The following PTPRG variants were observed in gnomAD, a reference collection of about 807,000 sequenced individuals.
PTPRG encodes the protein receptor-type tyrosine-protein phosphatase gamma.
In PTPRG, 102 loss-of-function variants were observed where a neutral mutation model predicts 165.3. The observed-to-expected ratio is 0.62, with a 90% CI of 0.53 to 0.73. The LOEUF (loss-of-function observed/expected upper bound fraction) is 0.73. PTPRG is among the 30% of genes least tolerant of loss of function. The pLI is 0.00. For missense variants in PTPRG, 1,866 were observed against 1,861.4 expected (o/e 1.00, Z -0.05); for synonymous variants, 675 against 669.5 (o/e 1.01, Z -0.13).
intron 7 of PTPRG, among the ~76,000 whole-genome samples, chr3:62,165,308 G>C (rs959034478): frequency 6.6e-6 from 1 of 152,160 alleles, no homozygotes; most frequent in African/African-American, 2.4e-5. Context: ...ATGATTTTAA[G>C]AAGTTATTTT....
At chr3:61,951,016 C>T (rs79489432) in intron 2 of PTPRG, among the ~76,000 whole-genome samples, 110 of 152,322 alleles carry the variant, frequency 7.2e-4, no homozygotes, top group African/African-American at 2.6e-3. Context: ...ATTTTCATTG[C>T]AGGAACATGG....
At chr3:62,017,329 C>G (rs1048223190) in intron 4 of PTPRG, among the ~76,000 whole-genome samples, 1 of 152,168 alleles carries the variant, frequency 6.6e-6, no homozygotes, top group Non-Finnish European at 1.5e-5. Context: ...TGTGAAAGAG[C>G]CCAGTAAATT....
intron 5 of PTPRG, among the ~76,000 whole-genome samples, chr3:62,081,262 AAACAAACAAAC>A (rs1559785977): frequency 6.3e-5 from 2 of 31,728 alleles, no homozygotes; most frequent in East Asian, 6.7e-4. Flanking sequence ...GTCTCAAAAC[AAACAAACAAAC>A]AAACAAACAA....
chr3:62,048,500 A>G (rs955057744), intron 4 of PTPRG, among the ~76,000 whole-genome samples: 6 of 152,228 alleles, frequency 3.9e-5, no homozygotes, highest in African/African-American at 1.4e-4. Context: ...TGCAATCGCT[A>G]TGTGTACCTT....
chr3:62,262,741 A>G (rs1451150903), intron 16 of PTPRG, 57 bp from the exon 17 acceptor site: 2 of 1,344,050 alleles, frequency 1.5e-6, no homozygotes, highest in Non-Finnish European at 2.1e-6. Flanking sequence ...CTTTAAATGT[A>G]TATGGTGTTC....
chr3:61,742,568 A>G, intron 1 of PTPRG: 1 of 1,592,878 alleles, frequency 6.3e-7, no homozygotes, highest in South Asian at 1.1e-5. Flanking sequence ...TGAATGTTAT[A>G]CACAAGCTCA....
At chr3:62,071,764 TTTCC>T (rs1239631628) in intron 4 of PTPRG, among the ~76,000 whole-genome samples, 1 of 152,188 alleles carries the variant, frequency 6.6e-6, no homozygotes, top group Non-Finnish European at 1.5e-5. Flanking sequence ...CCAACCCCAC[TTTCC>T]TTCCTTAGGA....
intron 13 of PTPRG, among the ~76,000 whole-genome samples, chr3:62,225,333 T>G (rs1700737715): frequency 2.0e-5 from 3 of 152,154 alleles, no homozygotes; most frequent in Admixed American, 2.0e-4. Context: ...GGAAGGTTTC[T>G]TTTTGATTTA....
chr3:61,927,958 C>T (rs1249335245), intron 2 of PTPRG, among the ~76,000 whole-genome samples: 3 of 151,928 alleles, frequency 2.0e-5, no homozygotes, highest in South Asian at 4.2e-4. Context: ...AGGTGGTTGG[C>T]GGTGGTCAGA....
intron 2 of PTPRG, among the ~76,000 whole-genome samples, chr3:61,976,805 A>T (rs184904810): frequency 6.6e-6 from 1 of 151,918 alleles, no homozygotes; most frequent in African/African-American, 2.4e-5. Flanking sequence ...CCTCCCGAGT[A>T]GCTGGGATTA....
chr3:61,863,853 C>G (rs1032880075), intron 2 of PTPRG, among the ~76,000 whole-genome samples: 1 of 152,170 alleles, frequency 6.6e-6, no homozygotes, highest in Non-Finnish European at 1.5e-5. Flanking sequence ...AGAGACAGTT[C>G]AGCAGGTTGA....
chr3:61,807,054 G>T (rs1389694015), intron 2 of PTPRG, among the ~76,000 whole-genome samples: 1 of 152,166 alleles, frequency 6.6e-6, no homozygotes, highest in African/African-American at 2.4e-5. Flanking sequence ...TCACATGGAC[G>T]GAGAGGACAA....
chr3:61,965,292 C>T (rs1055243369), intron 2 of PTPRG, among the ~76,000 whole-genome samples: 2 of 149,878 alleles, frequency 1.3e-5, no homozygotes, highest in Non-Finnish European at 3.0e-5. Context: ...GCTACGGTGG[C>T]TCACACCCAA....
At chr3:61,820,317 G>T (rs1306725995) in intron 2 of PTPRG, among the ~76,000 whole-genome samples, 3 of 152,112 alleles carry the variant, frequency 2.0e-5, no homozygotes, top group Non-Finnish European at 4.4e-5. Context: ...GCAGAGAGAA[G>T]ATGTTTTCCC....
At position 61,781,315 on chromosome 3, in the gene PTPRG, G is replaced by A. The variant is rs76601064; in HGVS notation, c.190+32333G>A. On this transcript the variant is annotated intron_variant, in intron 2 of 29. Transcript: ENST00000474889. ...GTTGTGTGTGCTTTTCAGATAAAAC[G>A]TTGAGGGATGACTAGGTATATGAGC... Among the ~76,000 whole-genome samples, 14 of 152,260 alleles carry A rather than the reference G, an allele frequency of 9.2e-5. No individual in the cohort carries two copies. In the East Asian group the frequency reaches 2.7e-3, roughly 29 times the overall value.
chr3:61,687,462 C>T (rs2107139329), intron 1 of PTPRG, among the ~76,000 whole-genome samples: 1 of 152,352 alleles, frequency 6.6e-6, no homozygotes, highest in Non-Finnish European at 1.5e-5. Context: ...GACTTTGGGG[C>T]TGTACATTAA....
intron 1 of PTPRG, among the ~76,000 whole-genome samples, chr3:61,598,270 G>C (rs1347375775): frequency 6.6e-6 from 1 of 152,166 alleles, no homozygotes; most frequent in Admixed American, 6.5e-5. Flanking sequence ...GAATGGGTCC[G>C]CATTTCCCCT....
intron 6 of PTPRG, among the ~76,000 whole-genome samples, chr3:62,150,039 C>G (rs550862482): frequency 2.1e-4 from 32 of 152,204 alleles, no homozygotes; most frequent in Non-Finnish European, 3.8e-4. Context: ...TCCTCACTGC[C>G]TTCAGGCTTT....
intron 2 of PTPRG, among the ~76,000 whole-genome samples, chr3:61,880,115 AT>A (rs924530174): frequency 6.6e-6 from 1 of 152,176 alleles, no homozygotes; most frequent in Non-Finnish European, 1.5e-5. Flanking sequence ...TCTGGCAGGG[AT>A]TTTTAAATTC....
Sources: allele counts gnomAD v4.1 joint callset (sites outside exome capture counted in the v4.1 genomes callset), GRCh38; gene constraint gnomAD v4.1.1; transcripts MANE v1.5; gene names NCBI Gene and HGNC (gene_info 2026-07-23, HGNC 2026-07-21).